Variants in C1orf21 observed in about 807,000 individuals in gnomAD.
C1orf21 encodes the protein uncharacterized protein C1orf21.
Under a neutral mutation model 18.7 loss-of-function variants are expected in C1orf21, and 3 were observed. The ratio of observed to expected loss-of-function variants is 0.16; its 90% CI spans 0.07 to 0.42. C1orf21 has a LOEUF of 0.42. Ranked by LOEUF, C1orf21 falls within the 10% of genes least tolerant of loss-of-function variation. The pLI is 0.99. For synonymous variants in C1orf21, 41 were observed against 46.4 expected, an observed-to-expected ratio of 0.88 and a Z score of 0.47; for missense variants, 104 against 143.6, an observed-to-expected ratio of 0.72 and a Z score of 1.41.
At chr1:184,595,772 A>C (rs1044041770) in intron 4 of C1orf21, among the ~76,000 whole-genome samples, 1 of 152,180 alleles carries the variant, frequency 6.6e-6, no homozygotes, top group African/African-American at 2.4e-5. Context: ...CTGGTGCATC[A>C]AGCTTCCTTC....
At chr1:184,390,303 C>A (rs949518365) in intron 1 of C1orf21, among the ~76,000 whole-genome samples, 5 of 152,034 alleles carry the variant, frequency 3.3e-5, no homozygotes, top group Non-Finnish European at 7.3e-5. Flanking sequence ...GGAATCCAGA[C>A]GCATCAAAGA....
At chr1:184,500,241 GAA>G (rs1415308616) in intron 2 of C1orf21, among the ~76,000 whole-genome samples, 1 of 152,170 alleles carries the variant, frequency 6.6e-6, no homozygotes, top group African/African-American at 2.4e-5. Context: ...GAGCTTGTCA[GAA>G]GATGAATGTT....
At chr1:184,445,437 A>AC (rs1657015502) in intron 1 of C1orf21, among the ~76,000 whole-genome samples, 1 of 50,424 alleles carries the variant, frequency 2.0e-5, no homozygotes, top group Non-Finnish European at 4.0e-5. Context: ...TTACCCCCCC[A>AC]CCCAACCCCA....
chr1:184,622,020 T>C lies in C1orf21; in HGVS notation c.*2464T>C, dbSNP rs1659924227. On this transcript the variant is annotated 3_prime_UTR_variant, in exon 6 of 6. Transcript: ENST00000235307. The stretch of plus-strand genomic sequence containing the variant: ...CCATTTGTTGGTTTTAATCATAAAA[T>C]TGTCAAGTGATTCGTGTTTGTACTT... The C allele has an allele frequency of 6.6e-6, 1 of 152,238 alleles. No individual in the cohort carries two copies. The highest frequency in any genetic ancestry group is 2.4e-5 in the African/African-American group (1 of 41,454). The allele number at this position is 152,238 out of a possible 1,614,324, so 9.4% of individuals were successfully genotyped here.
intron 1 of C1orf21, among the ~76,000 whole-genome samples, chr1:184,473,227 T>A (rs1430778490): frequency 1.3e-5 from 2 of 152,196 alleles, no homozygotes; most frequent in African/African-American, 4.8e-5. Context: ...CCATCAAATG[T>A]CAAAGGGATG....
At chr1:184,388,226 C>A (rs1331685596) in intron 1 of C1orf21, among the ~76,000 whole-genome samples, 1 of 152,136 alleles carries the variant, frequency 6.6e-6, no homozygotes, top group African/African-American at 2.4e-5. Context: ...TCGTTCATTT[C>A]TCTTCTAAAG....
intron 3 of C1orf21, among the ~76,000 whole-genome samples, chr1:184,543,778 C>T (rs2038308): frequency 0.53 from 80,775 of 151,996 alleles, 21,961 homozygotes; most frequent in African/African-American, 0.67. Flanking sequence ...AGGAGACTTA[C>T]AATGATTTCA....
chr1:184,474,777 G>A (rs1159877826), intron 1 of C1orf21, among the ~76,000 whole-genome samples: 2 of 152,110 alleles, frequency 1.3e-5, no homozygotes, highest in Non-Finnish European at 2.9e-5. Context: ...ACCTAGGTTC[G>A]CCCTCTCACT....
intron 5 of C1orf21, among the ~76,000 whole-genome samples, chr1:184,609,166 G>A (rs149173414): frequency 6.6e-6 from 1 of 152,302 alleles, no homozygotes; most frequent in East Asian, 1.9e-4. Flanking sequence ...ATGGAACAGT[G>A]AAGGGGCAAA....
chr1:184,596,873 C>CAAA (rs11291932), intron 4 of C1orf21, among the ~76,000 whole-genome samples: 4 of 123,482 alleles, frequency 3.2e-5, no homozygotes, highest in African/African-American at 8.5e-5. Flanking sequence ...GACTCTGTCT[C>CAAA]AAAAAAAAAA....
intron 1 of C1orf21, among the ~76,000 whole-genome samples, chr1:184,403,363 A>T (rs1025201966): frequency 1.3e-5 from 2 of 152,244 alleles, no homozygotes; most frequent in African/African-American, 4.8e-5. Flanking sequence ...CTATTTATGT[A>T]AAGTTCAAAA....
At chr1:184,505,501 G>A (rs1658047269) in intron 2 of C1orf21, among the ~76,000 whole-genome samples, 2 of 151,566 alleles carry the variant, frequency 1.3e-5, no homozygotes, top group South Asian at 2.1e-4. Flanking sequence ...GATGGCTCAC[G>A]CCTGTAATCT....
chr1:184,587,359 T>A (rs1462108656), intron 3 of C1orf21, among the ~76,000 whole-genome samples: 1 of 151,116 alleles, frequency 6.6e-6, no homozygotes, highest in African/African-American at 2.4e-5. Flanking sequence ...TAGCATTGAA[T>A]CTATAAATTG....
Position 184,439,075 on chromosome 1 carries a change from G to T in C1orf21, c.-124-38311G>T, listed in dbSNP as rs919342771. Among the ~76,000 whole-genome samples, 3 of 152,052 alleles carry T rather than the reference G, an allele frequency of 2.0e-5. No homozygotes were observed. In the South Asian group the frequency reaches 6.2e-4, roughly 32 times the overall value. The stretch of plus-strand genomic sequence containing the variant: ...AAAATATAAAAACTGGCCAGGCGTG[G>T]TGGTGCATGCCTGTAATCCCAGCAA... On this transcript the variant is annotated intron_variant, in intron 1 of 5. Transcript: ENST00000235307.
intron 3 of C1orf21, among the ~76,000 whole-genome samples, chr1:184,553,474 C>T (rs1342040527): frequency 6.6e-6 from 1 of 152,188 alleles, no homozygotes; most frequent in African/African-American, 2.4e-5. Context: ...CTTGTCTTTA[C>T]AATCTGATGG....
chr1:184,510,063 A>ATT (rs1557990293), intron 3 of C1orf21, among the ~76,000 whole-genome samples: 2 of 152,252 alleles, frequency 1.3e-5, no homozygotes, highest in Non-Finnish European at 2.9e-5. Context: ...AGAGTTAGGC[A>ATT]TCATCATACA....
chr1:184,537,800 G>A (rs978361218), intron 3 of C1orf21, among the ~76,000 whole-genome samples: 8 of 151,968 alleles, frequency 5.3e-5, no homozygotes, highest in South Asian at 2.1e-4. Context: ...ACAGGCATGC[G>A]CTACCATGCC....
Position 184,387,172 on chromosome 1 carries a change from G to A in C1orf21, c.-321G>A. 6.5e-6 allele frequency: 1 copy of A among 152,692 alleles called. No individual in the cohort carries two copies. Among genetic ancestry groups the A allele is most frequent in the Non-Finnish European group, 1.5e-5 (1 of 68,422 alleles). The allele number at this position is 152,692 out of a possible 1,614,324, so 9.5% of individuals were successfully genotyped here. ...ACTGGAGAGCTGGCCGCGCGCCGCCGCCTCCCGCACGCTTGCACGCGGGCC... is the reference window on the plus strand; with the variant it reads ...ACTGGAGAGCTGGCCGCGCGCCGCCACCTCCCGCACGCTTGCACGCGGGCC... On this transcript the variant is annotated 5_prime_UTR_variant, in exon 1 of 6. Transcript: ENST00000235307. This position sits in a 1 kb window ranked among gnomAD's most constrained non-coding sequence, Gnocchi z 5.6.
intron 3 of C1orf21, among the ~76,000 whole-genome samples, chr1:184,541,862 G>A (rs1658657038): frequency 6.6e-6 from 1 of 152,186 alleles, no homozygotes. Flanking sequence ...AGAAGCGTCT[G>A]AACTTGAGTG....
Sources: gnomAD v4.1 joint callset for allele counts (sites outside exome capture counted in the v4.1 genomes callset) on GRCh38, gnomAD v4.1.1 for gene constraint, Gnocchi (gnomAD v3.1) non-coding constraint, MANE v1.5 for transcripts, NCBI Gene and HGNC (gene_info 2026-07-23, HGNC 2026-07-21) for gene names.